Variants in ADAM9 observed in about 807,000 individuals in gnomAD.
ADAM9 encodes disintegrin and metalloproteinase domain-containing protein 9.
A neutral mutation model predicts 108.1 loss-of-function variants in ADAM9; 54 were observed. The ratio of observed to expected loss-of-function variants is 0.50; its 90% CI spans 0.40 to 0.63. ADAM9 has a LOEUF of 0.63. ADAM9 is among the 20% of genes least tolerant of loss of function. The pLI is 0.00. For missense variants in ADAM9, 830 were observed against 997.7 expected (o/e 0.83, Z 2.26); for synonymous variants, 316 against 336.0 (o/e 0.94, Z 0.65).
At chr8:39,086,419 T>C (rs1839182849) in intron 18 of ADAM9, among the ~76,000 whole-genome samples, 1 of 152,204 alleles carries the variant, frequency 6.6e-6, no homozygotes, top group African/African-American at 2.4e-5. Flanking sequence ...AATTTGCCAT[T>C]AACTTGATCT....
At chr8:39,074,776 A>G (rs1159065612) in intron 15 of ADAM9, among the ~76,000 whole-genome samples, 1 of 151,738 alleles carries the variant, frequency 6.6e-6, no homozygotes, top group Non-Finnish European at 1.5e-5. Context: ...TTTCAGTGAC[A>G]TTGATTTATG....
rs1839769638 is a variant in ADAM9 at position 39,103,630 on chromosome 8, T to G, written c.2390T>G (p.Val797Gly). 2 of 1,613,990 alleles carry G rather than the reference T, an allele frequency of 1.2e-6. No homozygotes were observed. The highest frequency in any genetic ancestry group is 1.7e-6 in the Non-Finnish European group (2 of 1,180,000). Reference protein sequence around the residue: ...PSRPPPPQPKVSSQGNLIPAR... With the variant: ...PSRPPPPQPKGSSQGNLIPAR... ...AGGCCACCTCCACCACAACCGAAAG[T>G]ATCATCTCAGGGAAACTTAATTCCT... The change falls in exon 22 of 22, where the codon GTA becomes GGA. Residue 797 changes from valine (V) to glycine (G), a missense_variant. Transcript: ENST00000487273.
intron 11 of ADAM9, among the ~76,000 whole-genome samples, chr8:39,027,507 C>T (rs1024965762): frequency 1.3e-5 from 2 of 152,144 alleles, no homozygotes; most frequent in African/African-American, 4.8e-5. Flanking sequence ...AAACTGAGGT[C>T]ACACATCCAA....
intron 16 of ADAM9, among the ~76,000 whole-genome samples, chr8:39,082,311 A>G (rs570712695): frequency 8.4e-4 from 128 of 152,134 alleles, no homozygotes; most frequent in Non-Finnish European, 1.6e-3. Context: ...GGTTAACTCT[A>G]TCTAGTTACT....
chr8:38,997,045 A>C lies in ADAM9; in HGVS notation c.-19A>C. 1 of 1,604,164 alleles carries C rather than the reference A, an allele frequency of 6.2e-7. No individual in the cohort carries two copies. The highest frequency in any genetic ancestry group is 1.1e-5 in the South Asian group (1 of 90,876). On this transcript the variant is annotated 5_prime_UTR_variant, in exon 1 of 22. Coordinates refer to ENST00000487273, the MANE Select transcript of ADAM9 (RefSeq NM_003816.3). ...TGGAGGCGACCGAGTGCTGAGAGGAACCTGCGGAATCGGCCGAGATGGGGT... is the reference window on the plus strand; with the variant it reads ...TGGAGGCGACCGAGTGCTGAGAGGACCCTGCGGAATCGGCCGAGATGGGGT...
intron 13 of ADAM9, among the ~76,000 whole-genome samples, chr8:39,055,073 A>AGT (rs1211419198): frequency 6.6e-6 from 1 of 152,136 alleles, no homozygotes; most frequent in Non-Finnish European, 1.5e-5. Flanking sequence ...TGGTTATTTA[A>AGT]GTAATATTAC....
rs768896837 is a variant in ADAM9 at position 39,079,432 on chromosome 8, A to T, written c.1881+2021A>T. Among the ~76,000 whole-genome samples, 65 of 151,678 alleles carry T rather than the reference A, an allele frequency of 4.3e-4. 1 individual carries two copies. Among genetic ancestry groups the T allele is most frequent in the Non-Finnish European group, 8.8e-4 (60 of 67,900 alleles). On this transcript the variant is annotated intron_variant, in intron 16 of 21. Transcript: ENST00000487273. ...GGGCATCTTTCCATGTCTTTATTAG[A>T]TCCATGTATTTTTTTCTGAGAAGTT... is the stretch of plus-strand genomic sequence containing the variant.
chr8:38,998,228 G>C (rs117343599), intron 1 of ADAM9, among the ~76,000 whole-genome samples: 2,638 of 152,286 alleles, frequency 0.017, 40 homozygotes, highest in South Asian at 0.049. Flanking sequence ...TTGAAATTAA[G>C]TAAATTTGCC....
chr8:39,039,450 G>A (rs754268173), intron 11 of ADAM9, among the ~76,000 whole-genome samples: 3 of 152,134 alleles, frequency 2.0e-5, no homozygotes, highest in Non-Finnish European at 2.9e-5. Flanking sequence ...AATCTTGAAT[G>A]TAATACAATA....
At chr8:39,053,022 C>T (rs938188916) in intron 12 of ADAM9, among the ~76,000 whole-genome samples, 1 of 152,072 alleles carries the variant, frequency 6.6e-6, no homozygotes, top group Admixed American at 6.6e-5. Context: ...TTAATTTTAG[C>T]CATTCTATTG....
chr8:39,007,798 GA>G (rs2129432019), intron 1 of ADAM9, 87 bp from the exon 2 acceptor site: 1 of 907,504 alleles, frequency 1.1e-6, no homozygotes. Context: ...ATTTTTCTGT[GA>G]TTTGAACATT....
chr8:39,055,910 G>T, intron 14 of ADAM9, 138 bp downstream of exon 14: 1 of 886,174 alleles, frequency 1.1e-6, no homozygotes, highest in African/African-American at 1.7e-5. Flanking sequence ...TTCTTTGGAG[G>T]CAGTCATGAT....
intron 3 of ADAM9, among the ~76,000 whole-genome samples, chr8:39,012,823 C>T (rs1378627675): frequency 6.6e-6 from 1 of 152,072 alleles, no homozygotes; most frequent in East Asian, 1.9e-4. Flanking sequence ...GGAGGGATAG[C>T]ATTAGGAGAT....
Position 39,063,460 on chromosome 8 carries a change from C to T in ADAM9, c.1591+7688C>T, listed in dbSNP as rs559857709. On this transcript the variant is annotated intron_variant, in intron 14 of 21. Coordinates refer to ENST00000487273, the MANE Select transcript of ADAM9 (RefSeq NM_003816.3). ...ATCAGAATTTAGAGGCTCAGCCAGG[C>T]GCCTGTAATCCCAGCACTTTGGGAG... Among the ~76,000 whole-genome samples, 11 of 152,274 alleles carry T rather than the reference C, an allele frequency of 7.2e-5. No individual in the cohort carries two copies. The South Asian group carries it at 1.7e-3, about 23-fold the overall frequency.
At chr8:39,018,650 T>C in intron 6 of ADAM9, 1 of 599,156 alleles carries the variant, frequency 1.7e-6, no homozygotes, top group South Asian at 2.1e-5. Context: ...CTTAAAGTCA[T>C]TAGCAGAACT....
chr8:39,079,915 T>C (rs1021614304), intron 16 of ADAM9, among the ~76,000 whole-genome samples: 15 of 152,254 alleles, frequency 9.9e-5, no homozygotes, highest in Non-Finnish European at 4.4e-5. Context: ...ATCAGTCTTA[T>C]CTGTTTTGTC....
chr8:39,016,130 T>C lies in ADAM9; in HGVS notation c.346T>C (p.Tyr116His). The C allele has an allele frequency of 6.2e-7, 1 of 1,613,746 alleles. No individual in the cohort carries two copies. Among genetic ancestry groups the C allele is most frequent in the Non-Finnish European group, 8.5e-7 (1 of 1,179,686 alleles). ...ATTTTTCATTTAGAATCATTGTCAT[T>C]ATCGGGGCTATGTGGAGGGAGTTCA... ...DHPNIQNHCH[Y>H]RGYVEGVHNS... The change falls in exon 5 of 22, where the codon TAT becomes CAT. Residue 116 changes from tyrosine to histidine, a missense_variant. Physicochemically the swap from Tyr to His is moderately conservative, Grantham distance 83. This residue lies in a region of ADAM9 where 211 missense variants were observed against 222.2 expected (regional missense o/e 0.95). Transcript: ENST00000487273.
At chr8:39,015,019 T>C (rs1836481832) in intron 4 of ADAM9, 1 of 153,756 alleles carries the variant, frequency 6.5e-6, no homozygotes, top group Non-Finnish European at 1.4e-5. Flanking sequence ...ATGCATCCAA[T>C]GATTACCAAG....
intron 12 of ADAM9, among the ~76,000 whole-genome samples, chr8:39,051,149 A>G (rs1438151193): frequency 1.3e-5 from 2 of 152,130 alleles, no homozygotes; most frequent in Admixed American, 6.5e-5. Context: ...TCCAGGTCCT[A>G]TATGTTGTCA....
Sources: gnomAD v4.1 joint callset for allele counts (sites outside exome capture counted in the v4.1 genomes callset) on GRCh38, gnomAD v4.1.1 for gene constraint, gnomAD v4.1.1 regional missense constraint, MANE v1.5 for transcripts, NCBI Gene and HGNC (gene_info 2026-07-23, HGNC 2026-07-21) for gene names.